Variants in DLG1 observed in about 807,000 individuals in gnomAD.
DLG1 encodes the protein disks large homolog 1.
In DLG1, 42 loss-of-function variants were observed where a neutral mutation model predicts 123.4. That is an observed-to-expected ratio of 0.34 (90% CI 0.27 to 0.44). The LOEUF (loss-of-function observed/expected upper bound fraction) is 0.44, where lower values mean the gene tolerates loss of function less well. DLG1 is among the 20% of genes least tolerant of loss of function. DLG1 has a pLI of 1.00. For missense variants in DLG1, 942 were observed against 1,082.6 expected, an observed-to-expected ratio of 0.87 and a Z score of 1.82; for synonymous variants, 317 against 356.2, an observed-to-expected ratio of 0.89 and a Z score of 1.24.
Position 197,210,244 on chromosome 3 carries a change from A to AT in DLG1, c.319-15656dup, listed in dbSNP as rs560172437. 2.8e-3 allele frequency among the ~76,000 whole-genome samples: 370 copies of AT among 130,414 alleles called. 35 individuals carry two copies. Among genetic ancestry groups the AT allele is most frequent in the Non-Finnish European group, 4.8e-3 (280 of 58,096 alleles). The allele number at this position is 130,414 out of a possible 152,430, so 85.6% of individuals were successfully genotyped here. On this transcript the variant is annotated intron_variant, in intron 4 of 24. Coordinates refer to ENST00000667157, the MANE Select transcript of DLG1 (RefSeq NM_001366207.1). ...ACCTAAGGATCCACCTTGAGAAGCTATAAAAAAAAAAAAAGACTAAGTAAA... is the reference window on the plus strand; with the variant it reads ...ACCTAAGGATCCACCTTGAGAAGCTATTAAAAAAAAAAAAAGACTAAGTAAA...
intron 5 of DLG1, among the ~76,000 whole-genome samples, chr3:197,154,662 C>G (rs1795537302): frequency 6.6e-6 from 1 of 151,352 alleles, no homozygotes; most frequent in Non-Finnish European, 1.5e-5. Context: ...GTGACAGAGC[C>G]AGACTCTGTC....
chr3:197,075,497 T>A (rs1230203164), intron 18 of DLG1, among the ~76,000 whole-genome samples: 1 of 151,952 alleles, frequency 6.6e-6, no homozygotes, highest in Non-Finnish European at 1.5e-5. Context: ...GGAAGCATAT[T>A]TCTACATTCT....
chr3:197,286,533 T>A (rs1480167504), intron 3 of DLG1, among the ~76,000 whole-genome samples: 1 of 152,184 alleles, frequency 6.6e-6, no homozygotes, highest in Admixed American at 6.5e-5. Context: ...ATCGCTCGCC[T>A]GCCGCTCAGG....
At chr3:197,164,774 T>G (rs112463542) in intron 5 of DLG1, among the ~76,000 whole-genome samples, 2,396 of 151,066 alleles carry the variant, frequency 0.016, 68 homozygotes, top group African/African-American at 0.054. Context: ...ATACAAAGAT[T>G]AGCTAGGTGC....
rs757543373 is a variant in DLG1, at chr3:197,296,397, T to C, written c.100A>G (p.Ile34Val). The C allele has an allele frequency of 6.8e-6, 11 of 1,613,618 alleles. No homozygotes were observed. The Admixed American group carries it at 1.2e-4, about 17-fold the overall frequency. Reference protein sequence around the residue: ...QTEDRQLRSSIERVINIFQSN... With the variant: ...QTEDRQLRSSVERVINIFQSN... Reference sequence around the variant, plus strand: ...TGAAATATGTTAATAACCCGTTCTATGGAACTTCTGAGCTGTCTGTCTTCA... The same window carrying C: ...TGAAATATGTTAATAACCCGTTCTACGGAACTTCTGAGCTGTCTGTCTTCA... The change falls in exon 3 of 25, where the codon ATA becomes GTA. Residue 34 changes from isoleucine (I) to valine (V), a missense_variant. Transcript: ENST00000667157.
At chr3:197,087,407 G>A (rs1473843392) in intron 15 of DLG1, among the ~76,000 whole-genome samples, 1 of 151,800 alleles carries the variant, frequency 6.6e-6, no homozygotes, top group Non-Finnish European at 1.5e-5. Context: ...TGTGGTGGTG[G>A]TGGTGGTGTG....
At position 197,091,020 on chromosome 3, in the gene DLG1, C is replaced by A; in HGVS notation, c.1553G>T (p.Ser518Ile). The change falls in exon 15 of 25, where the codon AGT becomes ATT. Residue 518 changes from serine (S) to isoleucine (I), a missense_variant. Transcript: ENST00000667157. ...ATCATGTATTTTAGCTTCAAAACGA[C>A]TGTATTCTGATGGAAGAAAAAGAGA... ...IVAQYRPEEYSRFEAKIHDLR... is the reference protein window; with the variant it reads ...IVAQYRPEEYIRFEAKIHDLR... 1 of 1,594,150 alleles carries A rather than the reference C, an allele frequency of 6.3e-7. No individual in the cohort carries two copies. The highest frequency in any genetic ancestry group is 2.2e-5 in the East Asian group (1 of 44,624).
chr3:197,071,147 G>T, intron 18 of DLG1: 1 of 151,892 alleles, frequency 6.6e-6, no homozygotes, highest in Non-Finnish European at 1.5e-5. Context: ...GAGTTATTCT[G>T]TTTACATTAG....
At chr3:197,049,666 C>A (rs1051171945) in intron 24 of DLG1, among the ~76,000 whole-genome samples, 1 of 134,156 alleles carries the variant, frequency 7.5e-6, no homozygotes, top group African/African-American at 2.4e-5. Flanking sequence ...GCAGGAGAAT[C>A]GCTTGAACCC....
chr3:197,246,743 G>A (rs973077053), intron 4 of DLG1, among the ~76,000 whole-genome samples: 7 of 152,164 alleles, frequency 4.6e-5, no homozygotes, highest in East Asian at 3.9e-4. Context: ...CAGGAATAGC[G>A]ATGGGTAGGT....
chr3:197,066,595 TA>T (rs140259336), intron 20 of DLG1, 108 bp downstream of exon 20: 148 of 693,478 alleles, frequency 2.1e-4, no homozygotes, highest in Middle Eastern at 1.2e-3. Context: ...GTATATGTAG[TA>T]AAAAAAAATT....
chr3:197,272,756 G>A (rs1764450770), intron 4 of DLG1, among the ~76,000 whole-genome samples: 1 of 152,222 alleles, frequency 6.6e-6, no homozygotes, highest in Non-Finnish European at 1.5e-5. Context: ...CACTGTGTAA[G>A]TCTCTTTATA....
intron 4 of DLG1, among the ~76,000 whole-genome samples, chr3:197,243,778 C>T (rs1750188908): frequency 6.6e-6 from 1 of 152,020 alleles, no homozygotes. Context: ...AATTGTTGAC[C>T]ACCAGAATAA....
At position 197,139,092 on chromosome 3, in the gene DLG1, T is replaced by C. The variant is rs576385216; in HGVS notation, c.714-701A>G. On this transcript the variant is annotated intron_variant, in intron 8 of 24. Transcript: ENST00000667157. Reference sequence around the variant, plus strand: ...AAAGGTTTCGTAGGTAAAGAACTTATAATTTGCCATGGTGTTATGTTTTTT... The same window carrying C: ...AAAGGTTTCGTAGGTAAAGAACTTACAATTTGCCATGGTGTTATGTTTTTT... Among the ~76,000 whole-genome samples, 49 of 152,352 alleles carry C rather than the reference T, an allele frequency of 3.2e-4. 2 individuals carry two copies. In the South Asian group the frequency reaches 8.3e-3, roughly 26 times the overall value.
chr3:197,214,383 G>A (rs1185628366), intron 4 of DLG1, among the ~76,000 whole-genome samples: 2 of 151,998 alleles, frequency 1.3e-5, no homozygotes, highest in Non-Finnish European at 2.9e-5. Context: ...GACCAGCCTC[G>A]CTAACACGGT....
chr3:197,094,633 T>A (rs536322857), intron 14 of DLG1, among the ~76,000 whole-genome samples: 1 of 152,208 alleles, frequency 6.6e-6, no homozygotes, highest in African/African-American at 2.4e-5. Flanking sequence ...CTCTTCCTTA[T>A]AATCTTCTTC....
intron 4 of DLG1, among the ~76,000 whole-genome samples, chr3:197,243,271 A>T (rs190425956): frequency 6.6e-6 from 1 of 152,322 alleles, no homozygotes; most frequent in Admixed American, 6.5e-5. Context: ...GGCATGGGTC[A>T]GCTACAAGGT....
intron 4 of DLG1, among the ~76,000 whole-genome samples, chr3:197,266,580 T>C (rs1351600720): frequency 6.6e-6 from 1 of 152,014 alleles, no homozygotes; most frequent in South Asian, 2.1e-4. Context: ...ATCACTGCAC[T>C]GCAGCCTGGG....
intron 5 of DLG1, among the ~76,000 whole-genome samples, chr3:197,182,543 G>T (rs953443259): frequency 6.6e-6 from 1 of 152,020 alleles, no homozygotes; most frequent in African/African-American, 2.4e-5. Flanking sequence ...ATATAGAACT[G>T]TTGACAGTTA....
Sources: gnomAD v4.1 joint callset for allele counts (sites outside exome capture counted in the v4.1 genomes callset) on GRCh38, gnomAD v4.1.1 for gene constraint, MANE v1.5 for transcripts, NCBI Gene and HGNC (gene_info 2026-07-23, HGNC 2026-07-21) for gene names.